Variants in CERS6 observed in about 807,000 individuals in gnomAD.
CERS6 encodes LAG1 homolog, ceramide synthase 6.
A neutral mutation model predicts 56.8 loss-of-function variants in CERS6; 26 were observed. The ratio of observed to expected loss-of-function variants is 0.46; its 90% CI spans 0.34 to 0.63. CERS6 has a LOEUF of 0.63. Among genes scored for constraint, CERS6 ranks in the 30% least tolerant of loss-of-function variants. The pLI is 0.01. For missense variants in CERS6, 415 were observed against 467.5 expected (o/e 0.89, Z 1.04); for synonymous variants, 164 against 173.3 (o/e 0.95, Z 0.42).
At chr2:168,657,519 A>C (rs1006028323) in intron 4 of CERS6, among the ~76,000 whole-genome samples, 2 of 152,210 alleles carry the variant, frequency 1.3e-5, no homozygotes, top group Non-Finnish European at 2.9e-5. Context: ...CTCGGGCCAC[A>C]CAGGAGCCCA....
At chr2:168,528,549 C>T (rs2105360763) in intron 1 of CERS6, among the ~76,000 whole-genome samples, 1 of 152,300 alleles carries the variant, frequency 6.6e-6, no homozygotes, top group East Asian at 1.9e-4. Context: ...GACCAATACT[C>T]TTTGGGAGAG....
At chr2:168,497,514 T>C (rs1694494678) in intron 1 of CERS6, among the ~76,000 whole-genome samples, 1 of 152,186 alleles carries the variant, frequency 6.6e-6, no homozygotes, top group South Asian at 2.1e-4. Flanking sequence ...AGGGAAGAAC[T>C]CCCTGGTAAG....
chr2:168,568,692 C>T (rs573029073), intron 3 of CERS6, among the ~76,000 whole-genome samples: 117 of 152,322 alleles, frequency 7.7e-4, no homozygotes, highest in African/African-American at 2.2e-3. Context: ...TGCCTGAAGA[C>T]GGCTGTAGAA....
At chr2:168,544,301 C>T (rs1385776506) in intron 1 of CERS6, among the ~76,000 whole-genome samples, 1 of 152,196 alleles carries the variant, frequency 6.6e-6, no homozygotes, top group Non-Finnish European at 1.5e-5. Flanking sequence ...AATGACCCTT[C>T]TGGGAAAGAA....
chr2:168,640,185 A>T (rs1684954755), intron 4 of CERS6, among the ~76,000 whole-genome samples: 1 of 152,182 alleles, frequency 6.6e-6, no homozygotes, highest in South Asian at 2.1e-4. Context: ...ATGGATAGTG[A>T]TGTAAGTATT....
intron 3 of CERS6, among the ~76,000 whole-genome samples, chr2:168,563,009 C>T (rs6724512): frequency 0.75 from 114,430 of 152,082 alleles, 45,677 homozygotes; most frequent in South Asian, 0.95. Flanking sequence ...TCTTTCCCTC[C>T]TCTGACTAAC....
intron 4 of CERS6, among the ~76,000 whole-genome samples, chr2:168,655,347 C>A (rs1438947315): frequency 6.6e-6 from 1 of 152,172 alleles, no homozygotes; most frequent in African/African-American, 2.4e-5. Flanking sequence ...AAAAATTAAA[C>A]TTCCCTATGA....
chr2:168,728,664 C>G (rs1290421062), intron 8 of CERS6, among the ~76,000 whole-genome samples: 1 of 151,638 alleles, frequency 6.6e-6, no homozygotes, highest in Non-Finnish European at 1.5e-5. Context: ...AGAATATGCT[C>G]TCGATTAAGT....
intron 2 of CERS6, among the ~76,000 whole-genome samples, chr2:168,550,315 A>G (rs1236579690): frequency 6.6e-6 from 1 of 152,028 alleles, no homozygotes; most frequent in Non-Finnish European, 1.5e-5. Flanking sequence ...AGCTGGAACT[A>G]CAGGTGTGGG....
chr2:168,631,631 T>TA (rs1684736665), intron 4 of CERS6, among the ~76,000 whole-genome samples: 13 of 25,626 alleles, frequency 5.1e-4, no homozygotes, highest in East Asian at 3.1e-3. Flanking sequence ...TTATATAATA[T>TA]ATAGCATATT....
intron 4 of CERS6, among the ~76,000 whole-genome samples, chr2:168,669,161 A>T (rs1685844925): frequency 6.6e-6 from 1 of 152,028 alleles, no homozygotes; most frequent in South Asian, 2.1e-4. Context: ...GGATATGGGG[A>T]CTCTCTGTCT....
intron 8 of CERS6, among the ~76,000 whole-genome samples, chr2:168,732,910 G>A (rs1683587133): frequency 6.6e-6 from 1 of 151,930 alleles, no homozygotes; most frequent in Non-Finnish European, 1.5e-5. Context: ...TTGGTTGTGT[G>A]TTTACAATGC....
intron 2 of CERS6, 111 bp from the exon 3 acceptor site, chr2:168,561,081 A>G (rs1319161972): frequency 8.1e-6 from 9 of 1,105,448 alleles, no homozygotes; most frequent in East Asian, 4.9e-5. Context: ...TCAGTAGCAG[A>G]TAGTAAACAA....
chr2:168,633,510 A>C (rs2105299124), intron 4 of CERS6, among the ~76,000 whole-genome samples: 1 of 152,308 alleles, frequency 6.6e-6, no homozygotes, highest in Admixed American at 6.5e-5. Flanking sequence ...TTCTTATTCC[A>C]GAGCTCTCTC....
At chr2:168,541,049 G>A (rs151007038) in intron 1 of CERS6, among the ~76,000 whole-genome samples, 7 of 152,346 alleles carry the variant, frequency 4.6e-5, no homozygotes, top group Admixed American at 2.6e-4. Context: ...TTCCACTCAT[G>A]ATGGAAGGTG....
chr2:168,509,577 T>G (rs1473869093), intron 1 of CERS6, among the ~76,000 whole-genome samples: 5 of 152,234 alleles, frequency 3.3e-5, no homozygotes, highest in Admixed American at 2.6e-4. Flanking sequence ...GTTCTCAGTC[T>G]TCATCTATGA....
At chr2:168,566,670 A>G (rs1179796897) in intron 3 of CERS6, among the ~76,000 whole-genome samples, 1 of 152,210 alleles carries the variant, frequency 6.6e-6, no homozygotes, top group Non-Finnish European at 1.5e-5. Context: ...TGACAGGGGA[A>G]GGGAAGTGAG....
At chr2:168,674,894 T>G (rs1397254717) in intron 4 of CERS6, among the ~76,000 whole-genome samples, 1 of 152,238 alleles carries the variant, frequency 6.6e-6, no homozygotes, top group African/African-American at 2.4e-5. Context: ...TTATTGATGT[T>G]AGCTATTTGT....
intron 1 of CERS6, among the ~76,000 whole-genome samples, chr2:168,540,681 A>T (rs1039209121): frequency 3.3e-5 from 5 of 152,202 alleles, no homozygotes; most frequent in African/African-American, 1.2e-4. Context: ...TACTTTAAAG[A>T]TGTTATTGCA....
Sources: gnomAD v4.1 joint callset for allele counts (sites outside exome capture counted in the v4.1 genomes callset) on GRCh38, gnomAD v4.1.1 for gene constraint, MANE v1.5 for transcripts, NCBI Gene and HGNC (gene_info 2026-07-23, HGNC 2026-07-21) for gene names.